The following EPHA3 variants were observed in gnomAD, a reference collection of about 807,000 sequenced individuals.
EPHA3 encodes EPH receptor A3.
In EPHA3, 42 loss-of-function variants were observed where a neutral mutation model predicts 107.1. The observed-to-expected ratio is 0.39, with a 90% CI of 0.31 to 0.51. EPHA3 has a LOEUF of 0.51. Among genes scored for constraint, EPHA3 ranks in the 20% least tolerant of loss-of-function variants. The pLI is 0.78. For missense variants in EPHA3, 1,183 were observed against 1,211.2 expected (o/e 0.98, Z 0.35); for synonymous variants, 461 against 424.8 (o/e 1.09, Z -1.05).
Position 89,192,932 on chromosome 3 carries a change from T to C in EPHA3, c.154-16928T>C, listed in dbSNP as rs113811257. 3.7e-3 allele frequency among the ~76,000 whole-genome samples: 558 copies of C among 152,150 alleles called. 2 individuals are homozygous for C. Among genetic ancestry groups the C allele is most frequent in the African/African-American group, 0.013 (542 of 41,528 alleles). ...AATCAATAAATAATCACTTGTAAAA[T>C]TTGAGGTAGAATTTAGAGAAATATT... On this transcript the variant is annotated intron_variant, in intron 2 of 16. Coordinates refer to ENST00000336596, the MANE Select transcript of EPHA3 (RefSeq NM_005233.6).
chr3:89,163,836 C>CA (rs1333169559), intron 2 of EPHA3, among the ~76,000 whole-genome samples: 1 of 152,032 alleles, frequency 6.6e-6, no homozygotes. Context: ...GGAAGAGACA[C>CA]AAAAACCCAT....
intron 2 of EPHA3, among the ~76,000 whole-genome samples, chr3:89,140,234 T>C (rs1003920099): frequency 6.6e-6 from 1 of 151,890 alleles, no homozygotes; most frequent in African/African-American, 2.4e-5. Context: ...CAAATGTTGC[T>C]ATGTAACTAA....
At chr3:89,479,110 A>G (rs534762213) in intron 16 of EPHA3, among the ~76,000 whole-genome samples, 2 of 152,192 alleles carry the variant, frequency 1.3e-5, no homozygotes, top group African/African-American at 4.8e-5. Context: ...TATTTTCCCA[A>G]TCGGTGTATT....
chr3:89,467,995 AATG>A (rs1710321622), intron 15 of EPHA3, among the ~76,000 whole-genome samples: 1 of 152,110 alleles, frequency 6.6e-6, no homozygotes, highest in Non-Finnish European at 1.5e-5. Context: ...CCTTCAGACC[AATG>A]TCTGGGGCTG....
In EPHA3 at chr3:89,346,505, A is replaced by G. The variant is rs1212332696; in HGVS notation, c.1306+4415A>G. Among the ~76,000 whole-genome samples the G allele has an allele frequency of 4.7e-5, 7 of 147,736 alleles. No homozygotes were observed. The East Asian group carries it at 1.2e-3, about 25-fold the overall frequency. On this transcript the variant is annotated intron_variant, in intron 5 of 16. Coordinates refer to ENST00000336596, the MANE Select transcript of EPHA3 (RefSeq NM_005233.6). ...GTAAATTTGTTTGGGTTCATTGTAGATTCTGGATATTAGCCCTTTGTCAGA... is the reference window on the plus strand; with the variant it reads ...GTAAATTTGTTTGGGTTCATTGTAGGTTCTGGATATTAGCCCTTTGTCAGA...
At chr3:89,242,513 C>T (rs548455939) in intron 3 of EPHA3, among the ~76,000 whole-genome samples, 2 of 152,324 alleles carry the variant, frequency 1.3e-5, no homozygotes, top group South Asian at 4.1e-4. Context: ...TCTCGGCTCA[C>T]TGCAAGCTCC....
chr3:89,351,727 A>C (rs1707825131), intron 5 of EPHA3, among the ~76,000 whole-genome samples: 1 of 151,348 alleles, frequency 6.6e-6, no homozygotes. Flanking sequence ...TCAAGACATT[A>C]GCATTGTTCT....
intron 3 of EPHA3, among the ~76,000 whole-genome samples, chr3:89,329,641 A>G (rs1355783998): frequency 1.3e-5 from 2 of 152,166 alleles, no homozygotes; most frequent in African/African-American, 4.8e-5. Context: ...TTAGCATAAC[A>G]TAGTGAAGAA....
At chr3:89,112,965 T>C (rs1707148910) in intron 1 of EPHA3, among the ~76,000 whole-genome samples, 1 of 152,208 alleles carries the variant, frequency 6.6e-6, no homozygotes, top group South Asian at 2.1e-4. Flanking sequence ...GTTCCTTTAA[T>C]TCCTGTTTGA....
chr3:89,274,900 A>G (rs1478649098), intron 3 of EPHA3, among the ~76,000 whole-genome samples: 1 of 151,976 alleles, frequency 6.6e-6, no homozygotes, highest in Admixed American at 6.6e-5. Flanking sequence ...TCCTGTCCAT[A>G]TGTATCAACA....
chr3:89,210,372 C>A lies in EPHA3; in HGVS notation c.666C>A (p.Ser222=). 1 of 1,613,704 alleles carries A rather than the reference C, an allele frequency of 6.2e-7. No individual in the cohort carries two copies. The highest frequency in any genetic ancestry group is 8.5e-7 in the Non-Finnish European group (1 of 1,179,838). The change falls in exon 3 of 17, where the codon TCC becomes TCA. Residue 222 remains serine (S), a synonymous_variant. Transcript: ENST00000336596. ...FPDTVPMDSQ[S]LVEVRGSCVN... ...ACACGGTACCCATGGACTCCCAGTCCCTGGTGGAGGTTAGAGGGTCTTGTG... is the reference window on the plus strand; with the variant it reads ...ACACGGTACCCATGGACTCCCAGTCACTGGTGGAGGTTAGAGGGTCTTGTG...
intron 2 of EPHA3, among the ~76,000 whole-genome samples, chr3:89,144,009 C>A (rs1212537002): frequency 6.6e-6 from 1 of 151,546 alleles, no homozygotes; most frequent in Non-Finnish European, 1.5e-5. Flanking sequence ...CCCACAGTTT[C>A]CTCCATAATT....
At chr3:89,447,520 C>A (rs189005628) in intron 13 of EPHA3, among the ~76,000 whole-genome samples, 2 of 152,144 alleles carry the variant, frequency 1.3e-5, no homozygotes, top group Non-Finnish European at 2.9e-5. Flanking sequence ...TCTTATCACT[C>A]TCCTAGCCAG....
At chr3:89,131,576 A>G (rs938368544) in intron 2 of EPHA3, among the ~76,000 whole-genome samples, 7 of 152,178 alleles carry the variant, frequency 4.6e-5, no homozygotes, top group Non-Finnish European at 7.3e-5. Flanking sequence ...TTCACTTAGT[A>G]TAGTATTGAT....
At chr3:89,292,239 A>T (rs1282028226) in intron 3 of EPHA3, among the ~76,000 whole-genome samples, 1 of 152,228 alleles carries the variant, frequency 6.6e-6, no homozygotes, top group Non-Finnish European at 1.5e-5. Context: ...ATTTTTAAAA[A>T]GAACAACAGT....
rs890964616 is a variant in EPHA3, at chr3:89,395,751, C to A, written c.1307-86C>A. On this transcript the variant is annotated intron_variant, in intron 5 of 16. Transcript: ENST00000336596. ...CAATGATAGACTCCATTTGCATGTT[C>A]CCTTCTCCCTCTGTTCTTATTCGCC... 3.4e-6 allele frequency: 5 copies of A among 1,488,224 alleles called. No homozygotes were observed. In the African/African-American group the frequency reaches 5.6e-5, roughly 17 times the overall value. 92.2% of individuals were successfully genotyped at this position (1,488,224 alleles called of 1,614,324 possible). A position where few individuals can be genotyped will look rare whatever the true frequency, so the allele number is the denominator to read the frequency against.
At chr3:89,211,110 G>A (rs11920402) in intron 3 of EPHA3, among the ~76,000 whole-genome samples, 1,951 of 152,080 alleles carry the variant, frequency 0.013, 44 homozygotes, top group African/African-American at 0.043. Flanking sequence ...ATTTTTAAGT[G>A]TCTTTTGCAC....
chr3:89,451,294 T>C (rs1030905182), intron 15 of EPHA3, among the ~76,000 whole-genome samples: 1 of 152,034 alleles, frequency 6.6e-6, no homozygotes, highest in African/African-American at 2.4e-5. Flanking sequence ...ATCTACAAAG[T>C]ACAGTGGAAA....
chr3:89,182,296 A>T (rs1042431446), intron 2 of EPHA3, among the ~76,000 whole-genome samples: 1 of 151,950 alleles, frequency 6.6e-6, no homozygotes, highest in Non-Finnish European at 1.5e-5. Flanking sequence ...GTAAAAGATC[A>T]GTCCGGGAAT....
Sources: gnomAD v4.1 joint callset for allele counts (sites outside exome capture counted in the v4.1 genomes callset) on GRCh38, gnomAD v4.1.1 for gene constraint, MANE v1.5 for transcripts, NCBI Gene and HGNC (gene_info 2026-07-23, HGNC 2026-07-21) for gene names.